Variants in UNC13C observed in about 807,000 individuals in gnomAD.
UNC13C encodes protein unc-13 homolog C.
UNC13C carries 174 observed loss-of-function variants against 245.4 expected under a neutral mutation model. The ratio of observed to expected loss-of-function variants is 0.71; its 90% CI spans 0.63 to 0.80. UNC13C has a LOEUF of 0.80. Among genes scored for constraint, UNC13C ranks in the 30% least tolerant of loss-of-function variants. The probability of loss-of-function intolerance (pLI) is 0.00; values close to 1 mark genes in which losing one functional copy is unlikely to be tolerated. For missense variants in UNC13C, 2,829 were observed against 2,602.9 expected (o/e 1.09, Z -1.89); for synonymous variants, 992 against 895.1 (o/e 1.11, Z -1.93).
chr15:54,328,665 G>C (rs28646103), intron 14 of UNC13C, among the ~76,000 whole-genome samples: 59,380 of 151,734 alleles, frequency 0.39, 12,711 homozygotes, highest in African/African-American at 0.57. Context: ...TTTCCTTCCA[G>C]GGTTCCCCAA....
In UNC13C at chr15:54,231,120, T is replaced by A. The variant is rs551283714; in HGVS notation, c.3072-3910T>A. Among the ~76,000 whole-genome samples, 377 of 152,190 alleles carry A rather than the reference T, an allele frequency of 2.5e-3. 1 individual carries two copies. Among genetic ancestry groups the A allele is most frequent in the African/African-American group, 8.7e-3 (363 of 41,558 alleles). ...CATTTGAGGAATACTGAGGCTATTTTGTACAATGAAACAGGGTTGTGATCT... is the reference window on the plus strand; with the variant it reads ...CATTTGAGGAATACTGAGGCTATTTAGTACAATGAAACAGGGTTGTGATCT... On this transcript the variant is annotated intron_variant, in intron 4 of 32. Transcript: ENST00000260323.
At chr15:53,904,695 A>G in the UNC13C span, among the ~76,000 whole-genome samples, 1 of 152,148 alleles carries the variant, frequency 6.6e-6, no homozygotes. Flanking sequence ...TGTTATTTTC[A>G]TCAACCTCAA....
chr15:54,539,636 C>T (rs931536636), intron 26 of UNC13C, among the ~76,000 whole-genome samples: 1 of 151,954 alleles, frequency 6.6e-6, no homozygotes, highest in African/African-American at 2.4e-5. Context: ...GGAATGCCTT[C>T]TGTTTTTTAG....
intron 19 of UNC13C, among the ~76,000 whole-genome samples, chr15:54,422,840 A>ATTTGTTCAC (rs1340229133): frequency 2.0e-5 from 3 of 151,606 alleles, no homozygotes; most frequent in Non-Finnish European, 4.4e-5. Context: ...TAGCCTGGTT[A>ATTTGTTCAC]TTTGTTCACT....
chr15:54,365,375 T>C (rs1022313293), intron 17 of UNC13C, among the ~76,000 whole-genome samples: 2 of 152,140 alleles, frequency 1.3e-5, no homozygotes. Flanking sequence ...AGTTTTCCTC[T>C]TTTTTAAAAA....
At chr15:53,887,841 A>G in the UNC13C span, among the ~76,000 whole-genome samples, 1 of 152,150 alleles carries the variant, frequency 6.6e-6, no homozygotes, top group Non-Finnish European at 1.5e-5. Context: ...GCTGAGAATG[A>G]AGACTTCCAG....
At chr15:54,527,052 C>G (rs1895501757) in intron 25 of UNC13C, among the ~76,000 whole-genome samples, 1 of 152,170 alleles carries the variant, frequency 6.6e-6, no homozygotes, top group Non-Finnish European at 1.5e-5. Flanking sequence ...GGCTCAGCTG[C>G]TGAGCCAGAG....
intron 2 of UNC13C, among the ~76,000 whole-genome samples, chr15:54,031,655 T>C (rs1896363513): frequency 6.6e-6 from 1 of 152,200 alleles, no homozygotes; most frequent in Admixed American, 6.5e-5. Context: ...CACAAGTGTA[T>C]GTGTTTGCCT....
intron 2 of UNC13C, among the ~76,000 whole-genome samples, chr15:54,137,817 T>G (rs2141227213): frequency 6.6e-6 from 1 of 152,296 alleles, no homozygotes; most frequent in East Asian, 1.9e-4. Context: ...AGTCTCTATT[T>G]CATTTATTTC....
At chr15:54,078,650 C>T (rs1012907460) in intron 2 of UNC13C, among the ~76,000 whole-genome samples, 3 of 152,146 alleles carry the variant, frequency 2.0e-5, no homozygotes, top group Admixed American at 6.5e-5. Flanking sequence ...CTGTTCATGT[C>T]CTTTGTCCAC....
rs1029237332 is a variant in UNC13C, at chr15:54,160,795, T to C, written c.3071+17111T>C. ...ACATAGAAAGCAAATATTTTTTACATGTTGGTCATTAGTAATTGTTTCTGG... is the reference window on the plus strand; with the variant it reads ...ACATAGAAAGCAAATATTTTTTACACGTTGGTCATTAGTAATTGTTTCTGG... On this transcript the variant is annotated intron_variant, in intron 4 of 32. Coordinates refer to ENST00000260323, the MANE Select transcript of UNC13C (RefSeq NM_001080534.3). Among the ~76,000 whole-genome samples the C allele has an allele frequency of 8.5e-5, 13 of 152,208 alleles. 1 individual carries two copies. Among genetic ancestry groups the C allele is most frequent in the Admixed American group, 8.5e-4 (13 of 15,286 alleles).
At chr15:53,990,742 A>G (rs547961059) in intron 1 of UNC13C, among the ~76,000 whole-genome samples, 2 of 152,002 alleles carry the variant, frequency 1.3e-5, no homozygotes, top group African/African-American at 2.4e-5. Context: ...GCATTTCCTC[A>G]GTGGCTTAAC....
At chr15:54,327,758 G>T (rs1056313280) in intron 14 of UNC13C, among the ~76,000 whole-genome samples, 4 of 151,964 alleles carry the variant, frequency 2.6e-5, no homozygotes, top group African/African-American at 9.7e-5. Flanking sequence ...TTTCTTCTGC[G>T]ATTAGGCCAT....
At chr15:54,552,529 TAATATAATTA>T (rs1566904702) in intron 28 of UNC13C, among the ~76,000 whole-genome samples, 3 of 73,388 alleles carry the variant, frequency 4.1e-5, no homozygotes, top group Non-Finnish European at 2.3e-5. Context: ...TTATATATAA[TAATATAATTA>T]TATATTATAT....
In UNC13C at chr15:54,554,134, A is replaced by G. The variant is rs1896993280; in HGVS notation, c.5878-1298A>G. On this transcript the variant is annotated intron_variant, in intron 28 of 32. Coordinates refer to ENST00000260323, the MANE Select transcript of UNC13C (RefSeq NM_001080534.3). Reference sequence around the variant, plus strand: ...GGAGCATATAAAATCTGTGACACACATTGAAGGAAGTACAATCCAATTACC... The same window carrying G: ...GGAGCATATAAAATCTGTGACACACGTTGAAGGAAGTACAATCCAATTACC... Among the ~76,000 whole-genome samples, 2 of 152,066 alleles carry G rather than the reference A, an allele frequency of 1.3e-5. 1 individual carries two copies. The highest frequency in any genetic ancestry group is 4.1e-4 in the South Asian group (2 of 4,834).
chr15:54,022,504 G>A (rs977287520), intron 2 of UNC13C, among the ~76,000 whole-genome samples: 1 of 152,094 alleles, frequency 6.6e-6, no homozygotes, highest in Non-Finnish European at 1.5e-5. Context: ...ATTTCCCTGA[G>A]ATACTGAGCA....
chr15:53,930,241 C>T, the UNC13C span, among the ~76,000 whole-genome samples: 25,062 of 152,098 alleles, frequency 0.16, 2,510 homozygotes, highest in East Asian at 0.33. Flanking sequence ...CCTCATAGCA[C>T]GACAGTTGAG....
chr15:54,265,484 A>G lies in UNC13C; in HGVS notation c.3806A>G (p.Glu1269Gly). Residue 1269 changes from glutamate to glycine, a missense_variant, in exon 10 of 33, where the codon GAG (glutamate) becomes GGG (glycine). Physicochemically the swap from Glu to Gly is moderately conservative, Grantham distance 98. Transcript: ENST00000260323. ...IFGNLNPVWD[E>G]KFYFECHNST... is the part of the protein sequence containing the mutation. ...GGAAATTTGAATCCAGTATGGGATG[A>G]GAAGTTTTATTTGTGAGTATATAAT... is the stretch of plus-strand genomic sequence containing the variant. 6.5e-7 allele frequency: 1 copy of G among 1,543,814 alleles called. No homozygotes were observed.
intron 30 of UNC13C, among the ~76,000 whole-genome samples, chr15:54,595,221 A>C (rs1899010367): frequency 6.6e-6 from 1 of 152,034 alleles, no homozygotes; most frequent in Admixed American, 6.6e-5. Context: ...TATCTCCCTG[A>C]GCAACCTGTG....
Sources: allele counts gnomAD v4.1 joint callset (sites outside exome capture counted in the v4.1 genomes callset), GRCh38; gene constraint gnomAD v4.1.1; transcripts MANE v1.5; gene names NCBI Gene and HGNC (gene_info 2026-07-23, HGNC 2026-07-21).